CNOT1: variants seen among roughly 807,000 people sequenced by gnomAD.
The protein encoded by CNOT1 is CCR4-associated factor 1.
A neutral mutation model predicts 273.8 loss-of-function variants in CNOT1; 15 were observed. That is an observed-to-expected ratio of 0.05 (90% CI 0.04 to 0.08). The LOEUF (loss-of-function observed/expected upper bound fraction) is 0.08, where lower values mean the gene tolerates loss of function less well. Ranked by LOEUF, CNOT1 falls within the 10% of genes least tolerant of loss-of-function variation. The pLI, the probability that CNOT1 is intolerant of heterozygous loss-of-function variation, is 1.00. For synonymous variants in CNOT1, 1,022 were observed against 1,005.5 expected, an observed-to-expected ratio of 1.02 and a Z score of -0.31; for missense variants, 1,644 against 2,912.2, an observed-to-expected ratio of 0.56 and a Z score of 10.02.
intron 1 of CNOT1, among the ~76,000 whole-genome samples, chr16:58,601,734 T>TAAAAACAAAAAAAAAA (rs2042471242): frequency 1.1e-5 from 1 of 91,514 alleles, no homozygotes; most frequent in African/African-American, 3.9e-5. Context: ...ATACCCACCT[T>TAAAAACAAAAAAAAAA]AAAAAAAAAA....
chr16:58,601,498 G>A (rs763759190), intron 1 of CNOT1, among the ~76,000 whole-genome samples: 5 of 152,142 alleles, frequency 3.3e-5, no homozygotes, highest in Non-Finnish European at 5.9e-5. Flanking sequence ...TCTGAAGTCC[G>A]CTTGTAATTT....
In CNOT1 at chr16:58,622,784, T is replaced by C. The variant is rs1403529721; in HGVS notation, c.-175+6944A>G. ...GTCTCTTGAAACCTGGAGGCAGAGGTTGCAGTGAGCTGAGATCGCACCACT... is the reference window on the plus strand; with the variant it reads ...GTCTCTTGAAACCTGGAGGCAGAGGCTGCAGTGAGCTGAGATCGCACCACT... On this transcript the variant is annotated intron_variant, in intron 1 of 48. Transcript: ENST00000317147. Among the ~76,000 whole-genome samples the C allele has an allele frequency of 2.0e-5, 3 of 150,480 alleles. No individual in the cohort carries two copies. The South Asian group carries it at 6.3e-4, about 32-fold the overall frequency.
intron 1 of CNOT1, among the ~76,000 whole-genome samples, chr16:58,625,068 T>C (rs2043506551): frequency 6.6e-6 from 1 of 151,732 alleles, no homozygotes; most frequent in African/African-American, 2.4e-5. Context: ...GGAAACACAG[T>C]GAAACCTCAC....
chr16:58,569,700 A>C (rs1039242798), intron 16 of CNOT1, among the ~76,000 whole-genome samples: 2 of 151,518 alleles, frequency 1.3e-5, no homozygotes, highest in African/African-American at 4.9e-5. Flanking sequence ...AGCCTGAGAA[A>C]ATGAAAAAAA....
At chr16:58,583,603 C>G (rs1189069705) in intron 8 of CNOT1, among the ~76,000 whole-genome samples, 1 of 152,104 alleles carries the variant, frequency 6.6e-6, no homozygotes, top group African/African-American at 2.4e-5. Flanking sequence ...CTGTGGAGTA[C>G]AAGAGTACTG....
intron 8 of CNOT1, among the ~76,000 whole-genome samples, chr16:58,583,805 C>T (rs2041737215): frequency 6.6e-6 from 1 of 151,886 alleles, no homozygotes; most frequent in South Asian, 2.1e-4. Flanking sequence ...TCCCAAAGTG[C>T]TGGGATTACA....
intron 19 of CNOT1, 29 bp from the exon 20 acceptor site, chr16:58,555,937 G>A: frequency 6.2e-7 from 1 of 1,606,354 alleles, no homozygotes; most frequent in East Asian, 2.2e-5. Flanking sequence ...GAATCAGTGG[G>A]CATTTAAGCC....
intron 1 of CNOT1, among the ~76,000 whole-genome samples, chr16:58,604,094 C>A (rs1323644645): frequency 6.6e-6 from 1 of 152,136 alleles, no homozygotes; most frequent in African/African-American, 2.4e-5. Flanking sequence ...TACTGCTAGT[C>A]ATATACAACA....
intron 17 of CNOT1, chr16:58,559,675 A>G (rs1412231593): frequency 2.7e-6 from 1 of 368,152 alleles, no homozygotes; most frequent in African/African-American, 2.1e-5. Flanking sequence ...TAGCCACTGA[A>G]TCACTAACTT....
intron 38 of CNOT1, among the ~76,000 whole-genome samples, chr16:58,537,585 T>C (rs1329226929): frequency 6.6e-6 from 1 of 152,248 alleles, no homozygotes; most frequent in Admixed American, 6.5e-5. Flanking sequence ...CTATAAAGAA[T>C]AGGTTTAAGG....
intron 1 of CNOT1, among the ~76,000 whole-genome samples, chr16:58,606,532 C>T (rs2042682415): frequency 6.6e-6 from 1 of 152,106 alleles, no homozygotes; most frequent in Non-Finnish European, 1.5e-5. Flanking sequence ...GCCAGGCGCA[C>T]CGGCTCACGC....
intron 1 of CNOT1, among the ~76,000 whole-genome samples, chr16:58,611,322 G>A (rs369584131): frequency 1.0e-3 from 157 of 152,006 alleles, no homozygotes; most frequent in African/African-American, 3.6e-3. Flanking sequence ...CCAGATACTC[G>A]GGAGGCTGAG....
chr16:58,577,297 C>T (rs774352176), intron 13 of CNOT1, among the ~76,000 whole-genome samples: 44 of 152,098 alleles, frequency 2.9e-4, no homozygotes, highest in Non-Finnish European at 5.3e-4. Flanking sequence ...AGATGCAGCT[C>T]GTTTACCAGC....
At chr16:58,599,792 G>A (rs2042396847) in intron 1 of CNOT1, among the ~76,000 whole-genome samples, 1 of 152,150 alleles carries the variant, frequency 6.6e-6, no homozygotes, top group Non-Finnish European at 1.5e-5. Flanking sequence ...ATGGCTGGGT[G>A]TGACGGCTCA....
chr16:58,550,381 C>T (rs1308098106), intron 24 of CNOT1, among the ~76,000 whole-genome samples: 1 of 152,134 alleles, frequency 6.6e-6, no homozygotes, highest in Non-Finnish European at 1.5e-5. Context: ...ACCTCCACTA[C>T]CTCGGAGACA....
At chr16:58,593,961 A>C (rs1356541659) in intron 2 of CNOT1, among the ~76,000 whole-genome samples, 1 of 152,000 alleles carries the variant, frequency 6.6e-6, no homozygotes, top group Non-Finnish European at 1.5e-5. Flanking sequence ...GAAAAAAGGC[A>C]AGGCCAGGCA....
chr16:58,542,524 A>T lies in CNOT1; in HGVS notation c.4479T>A (p.Ala1493=). 2 of 1,418,218 alleles carry T rather than the reference A, an allele frequency of 1.4e-6. No individual in the cohort carries two copies. Among genetic ancestry groups the T allele is most frequent in the Non-Finnish European group, 1.9e-6 (2 of 1,061,934 alleles). The allele number at this position is 1,418,218 out of a possible 1,614,324, so 87.9% of individuals were successfully genotyped here. A position where few individuals can be genotyped will look rare whatever the true frequency, so the allele number is the denominator to read the frequency against. ...ACTCACAATTGTCCTGAGCTAATTG[A>T]GCAGCTGCCTGATCCATCATTTCTC... The part of the protein sequence containing the change: ...QQREMMDQAA[A]QLAQDNCELA... Residue 1493 remains alanine, a synonymous_variant, in exon 32 of 49, where the codon GCT becomes GCA. Transcript: ENST00000317147.
intron 47 of CNOT1, among the ~76,000 whole-genome samples, chr16:58,521,958 CAGAT>C: frequency 6.6e-6 from 1 of 151,858 alleles, no homozygotes; most frequent in Admixed American, 6.6e-5. Context: ...CTCAAATAAA[CAGAT>C]AAATTAAATA....
rs561821624 is a variant in CNOT1, at chr16:58,571,954, G to A, written c.1979+2655C>T. ...ACTGCACACCAGCCTGGGGGACAGA[G>A]GCAGACTCTGTCTCAGAAAAATAAA... On this transcript the variant is annotated intron_variant, in intron 16 of 48. Coordinates refer to ENST00000317147, the MANE Select transcript of CNOT1 (RefSeq NM_016284.5). Among the ~76,000 whole-genome samples, 5 of 152,126 alleles carry A rather than the reference G, an allele frequency of 3.3e-5. No individual in the cohort carries two copies. The East Asian group carries it at 9.7e-4, about 29-fold the overall frequency.
Sources: gnomAD v4.1 joint callset for allele counts (sites outside exome capture counted in the v4.1 genomes callset) on GRCh38, gnomAD v4.1.1 for gene constraint, MANE v1.5 for transcripts, NCBI Gene and HGNC (gene_info 2026-07-23, HGNC 2026-07-21) for gene names.